Variants in NDE1 observed in about 807,000 individuals in gnomAD.
NDE1 encodes nuclear distribution protein nudE homolog 1.
A neutral mutation model predicts 43.4 loss-of-function variants in NDE1; 28 were observed. The ratio of observed to expected loss-of-function variants is 0.65; its 90% confidence interval spans 0.48 to 0.89. NDE1 has a LOEUF of 0.89. Ranked by LOEUF, NDE1 falls within the 40% of genes least tolerant of loss-of-function variation. The pLI is 0.00. For synonymous variants in NDE1, 184 were observed against 172.0 expected, an observed-to-expected ratio of 1.07 and a Z score of -0.55; for missense variants, 441 against 434.1, an observed-to-expected ratio of 1.02 and a Z score of -0.14.
At chr16:15,720,278 C>A (rs190316422) in intron 8 of NDE1, 1 of 1,614,140 alleles carries the variant, frequency 6.2e-7, no homozygotes, top group Non-Finnish European at 8.5e-7. Flanking sequence ...ACGTTGCTTT[C>A]GCTCGTCTTC....
chr16:15,695,666 A>G, intron 7 of NDE1: 1 of 985,396 alleles, frequency 1.0e-6, no homozygotes, highest in Non-Finnish European at 1.2e-6. Flanking sequence ...AACTCCTACC[A>G]AGTTGTCACT....
In NDE1 at chr16:15,720,279, G is replaced by A. The variant is rs1055960218; in HGVS notation, c.948-3912G>A. The A allele has an allele frequency of 6.2e-7, 1 of 1,614,060 alleles. No individual in the cohort carries two copies. The highest frequency in any genetic ancestry group is 1.3e-5 in the African/African-American group (1 of 75,014). ...GCAGCTGCCAGGGCACGTTGCTTTCGCTCGTCTTCCAGTTCCGTCTCATAC... is the reference window on the plus strand; with the variant it reads ...GCAGCTGCCAGGGCACGTTGCTTTCACTCGTCTTCCAGTTCCGTCTCATAC... On this transcript the variant is annotated intron_variant, in intron 8 of 8. Coordinates refer to ENST00000396354, the MANE Select transcript of NDE1 (RefSeq NM_017668.3).
At chr16:15,679,415 T>C (rs1220306510) in intron 4 of NDE1, among the ~76,000 whole-genome samples, 1 of 152,210 alleles carries the variant, frequency 6.6e-6, no homozygotes, top group Non-Finnish European at 1.5e-5. Context: ...ATTTTTCTTT[T>C]CCCTAATTAT....
At chr16:15,714,085 C>G (rs1689527224) in intron 8 of NDE1, 1 of 152,404 alleles carries the variant, frequency 6.6e-6, no homozygotes, top group Non-Finnish European at 1.5e-5. Context: ...CGTCGCCCAC[C>G]TGGATGTTGA....
In NDE1 at chr16:15,663,266, G is replaced by A. The variant is rs138984615; in HGVS notation, c.-43-1470G>A. 4.5e-3 allele frequency among the ~76,000 whole-genome samples: 663 copies of A among 147,842 alleles called. 4 individuals are homozygous for A. Among genetic ancestry groups the A allele is most frequent in the African/African-American group, 0.016 (624 of 39,992 alleles). On this transcript the variant is annotated intron_variant, in intron 1 of 8. Coordinates refer to ENST00000396354, the MANE Select transcript of NDE1 (RefSeq NM_017668.3). ...CTTTTTTTTTTTTTTTTGAGACGGA[G>A]TCTCATTCTGTCGCCCAGTCTGGAG...
intron 1 of NDE1, among the ~76,000 whole-genome samples, chr16:15,654,073 AATAG>A (rs1241659572): frequency 6.6e-6 from 1 of 152,148 alleles, no homozygotes; most frequent in Admixed American, 6.6e-5. Flanking sequence ...TGTTGTGCAA[AATAG>A]ATACTTTTTG....
intron 8 of NDE1, chr16:15,719,427 G>A: frequency 1.4e-6 from 2 of 1,464,108 alleles, no homozygotes; most frequent in Non-Finnish European, 1.9e-6. Flanking sequence ...CTCAGGGGAG[G>A]CCCCGTGAAT....
chr16:15,679,052 G>C (rs2038037273), intron 4 of NDE1, among the ~76,000 whole-genome samples: 1 of 152,074 alleles, frequency 6.6e-6, no homozygotes, highest in Non-Finnish European at 1.5e-5. Flanking sequence ...ACTCCAGCCT[G>C]GGTGACAGAG....
chr16:15,690,999 G>C, intron 5 of NDE1, 145 bp from the exon 6 acceptor site: 2 of 888,634 alleles, frequency 2.3e-6, no homozygotes, highest in Admixed American at 4.0e-5. Flanking sequence ...ATAGAGATGA[G>C]GTTTCACCAT....
In NDE1 at chr16:15,705,984, C is replaced by CAAAAAAAAAAAAA. The variant is rs57451847; in HGVS notation, c.947+9133_947+9145dup. 3.7e-3 allele frequency among the ~76,000 whole-genome samples: 212 copies of CAAAAAAAAAAAAA among 56,738 alleles called. 47 individuals are homozygous for CAAAAAAAAAAAAA. The highest frequency in any genetic ancestry group is 0.017 in the African/African-American group (149 of 8,904). The allele number at this position is 56,738 out of a possible 152,430, so 37.2% of individuals were successfully genotyped here. On this transcript the variant is annotated intron_variant, in intron 8 of 8. Coordinates refer to ENST00000396354, the MANE Select transcript of NDE1 (RefSeq NM_017668.3). ...TAGGCGACAGGGTGAGACTCCGTCT[C>CAAAAAAAAAAAAA]AAAAAAAAAAAAAAAAAAAAATCAA...
At chr16:15,717,474 T>A in intron 8 of NDE1, 1 of 931,358 alleles carries the variant, frequency 1.1e-6, no homozygotes, top group Non-Finnish European at 1.6e-6. Flanking sequence ...CCCTGTCCTC[T>A]CCTTCATCCT....
At chr16:15,691,956 C>T (rs936027055) in intron 6 of NDE1, among the ~76,000 whole-genome samples, 13 of 151,940 alleles carry the variant, frequency 8.6e-5, no homozygotes, top group Non-Finnish European at 1.9e-4. Context: ...GAATATAAAA[C>T]CTCCCAAATT....
upstream of NDE1, among the ~76,000 whole-genome samples, chr16:15,647,385 A>G (rs2036351642): frequency 6.6e-6 from 1 of 152,168 alleles, no homozygotes; most frequent in Non-Finnish European, 1.5e-5. Context: ...TGATTTGTTA[A>G]TTACTAGTTG....
In NDE1 at chr16:15,725,449, C is replaced by A. The variant is rs1027673429; in HGVS notation, c.*1198C>A. On this transcript the variant is annotated 3_prime_UTR_variant, in exon 9 of 9. Transcript: ENST00000396354. ...TGCTGTCCCATCCCTTCCTTCCTCA[C>A]TCCTACTCTTTGACCCTGATGGCCA... The A allele has an allele frequency of 7.0e-5, 31 of 442,494 alleles. No individual in the cohort carries two copies. Among genetic ancestry groups the A allele is most frequent in the African/African-American group, 6.5e-4 (29 of 44,414 alleles). The allele number at this position is 442,494 out of a possible 1,614,324, so 27.4% of individuals were successfully genotyped here.
intron 1 of NDE1, among the ~76,000 whole-genome samples, chr16:15,663,567 C>T (rs1242555854): frequency 1.3e-5 from 2 of 152,104 alleles, no homozygotes; most frequent in Non-Finnish European, 2.9e-5. Context: ...ACATGCTCCT[C>T]ATGTGTCGCC....
intron 8 of NDE1, chr16:15,700,156 G>T: frequency 2.9e-6 from 3 of 1,025,064 alleles, no homozygotes; most frequent in South Asian, 6.0e-5. Context: ...GAGTGTGGTG[G>T]CGTGATCTCA....
chr16:15,688,570 T>C (rs1373593521), intron 5 of NDE1, among the ~76,000 whole-genome samples: 1 of 141,470 alleles, frequency 7.1e-6, no homozygotes, highest in Non-Finnish European at 1.5e-5. Flanking sequence ...GAGGTGGAGG[T>C]TGTAGTGAGC....
chr16:15,720,362 C>A (rs1046323387), intron 8 of NDE1: 13 of 1,583,976 alleles, frequency 8.2e-6, no homozygotes, highest in Admixed American at 1.8e-5. Flanking sequence ...CTGGGAGGTC[C>A]TTTGGCTCAC....
At chr16:15,704,471 A>G (rs2081593498) in intron 8 of NDE1, among the ~76,000 whole-genome samples, 1 of 152,112 alleles carries the variant, frequency 6.6e-6, no homozygotes, top group African/African-American at 2.4e-5. Context: ...TTAGAATAGG[A>G]AAAAAACGCC....
Sources: allele counts gnomAD v4.1 joint callset (sites outside exome capture counted in the v4.1 genomes callset), GRCh38; gene constraint gnomAD v4.1.1; transcripts MANE v1.5; gene names NCBI Gene and HGNC (gene_info 2026-07-23, HGNC 2026-07-21).